EFR3B: variants seen among roughly 807,000 people sequenced by gnomAD.
The protein encoded by EFR3B is EFR3 homolog B.
A neutral mutation model predicts 104.7 loss-of-function variants in EFR3B; 64 were observed. The ratio of observed to expected loss-of-function variants is 0.61; its 90% confidence interval spans 0.50 to 0.75. The LOEUF (loss-of-function observed/expected upper bound fraction) is 0.75. EFR3B is among the 30% of genes least tolerant of loss of function. The pLI, the probability that EFR3B is intolerant of heterozygous loss-of-function variation, is 0.00. For synonymous variants in EFR3B, 385 were observed against 417.9 expected (o/e 0.92, Z 0.96); for missense variants, 750 against 1,078.5 (o/e 0.70, Z 4.27).
At chr2:25,081,380 T>C in intron 1 of EFR3B, 1 of 1,047,568 alleles carries the variant, frequency 9.5e-7, no homozygotes, top group South Asian at 1.4e-5. Flanking sequence ...TACTCATAGT[T>C]ACAGTTTATC....
At chr2:25,071,486 C>G (rs554447973) in intron 1 of EFR3B, among the ~76,000 whole-genome samples, 1 of 151,964 alleles carries the variant, frequency 6.6e-6, no homozygotes. Flanking sequence ...GTCTTGAACT[C>G]CTGACCTCGC....
At chr2:25,102,122 A>G (rs1409432406) in intron 3 of EFR3B, among the ~76,000 whole-genome samples, 2 of 152,202 alleles carry the variant, frequency 1.3e-5, no homozygotes, top group African/African-American at 4.8e-5. Context: ...GAAGACAACT[A>G]AGATAATTGG....
At chr2:25,047,882 C>T (rs1667764862) in intron 1 of EFR3B, among the ~76,000 whole-genome samples, 1 of 152,158 alleles carries the variant, frequency 6.6e-6, no homozygotes, top group South Asian at 2.1e-4. Context: ...TGATACCGTT[C>T]CTTCTATCAA....
At chr2:25,150,646 T>C (rs1670978716) in intron 20 of EFR3B, among the ~76,000 whole-genome samples, 1 of 150,562 alleles carries the variant, frequency 6.6e-6, no homozygotes, top group Non-Finnish European at 1.5e-5. Flanking sequence ...AGTCTCGCCC[T>C]GTCACCCAGG....
chr2:25,042,565 G>A lies in EFR3B; in HGVS notation c.7+246G>A, dbSNP rs565649682. 1.6e-4 allele frequency: 189 copies of A among 1,201,944 alleles called. No individual in the cohort carries two copies. Among genetic ancestry groups the A allele is most frequent in the Admixed American group, 6.2e-4 (14 of 22,680 alleles). The allele number at this position is 1,201,944 out of a possible 1,614,324, so 74.5% of individuals were successfully genotyped here. On this transcript the variant is annotated intron_variant, in intron 1 of 22. Transcript: ENST00000403714. This position sits in a 1 kb window ranked among gnomAD's most constrained non-coding sequence, Gnocchi z 5.4. Reference sequence around the variant, plus strand: ...GCCGGTGCTGGGCGGTGGTCCTTCGGGGGGCGGAGGCTCAGGGGAAAGCGG... The same window carrying A: ...GCCGGTGCTGGGCGGTGGTCCTTCGAGGGGCGGAGGCTCAGGGGAAAGCGG...
chr2:25,135,653 G>A lies in EFR3B; in HGVS notation c.1484+14G>A. ...CTCTACCATCAGGTGAACTTGGGGT[G>A]TCTCCTCCAGGCAATGCAAGATGGG... On this transcript the variant is annotated intron_variant, in intron 13 of 22. Transcript: ENST00000403714. 1 of 1,551,910 alleles carries A rather than the reference G, an allele frequency of 6.4e-7. No homozygotes were observed. Among genetic ancestry groups the A allele is most frequent in the Non-Finnish European group, 8.7e-7 (1 of 1,147,064 alleles).
At chr2:25,082,991 A>G (rs1668851775) in intron 1 of EFR3B, among the ~76,000 whole-genome samples, 1 of 152,156 alleles carries the variant, frequency 6.6e-6, no homozygotes, top group African/African-American at 2.4e-5. Flanking sequence ...GGGCAAAATG[A>G]GCCATCGAGG....
intron 1 of EFR3B, among the ~76,000 whole-genome samples, chr2:25,086,850 C>T (rs1227721613): frequency 6.6e-6 from 1 of 152,174 alleles, no homozygotes; most frequent in Admixed American, 6.5e-5. Flanking sequence ...GCCTCAGCCT[C>T]CCAAAGTGCT....
intron 12 of EFR3B, among the ~76,000 whole-genome samples, chr2:25,134,977 C>T (rs1670480176): frequency 6.6e-6 from 1 of 152,228 alleles, no homozygotes. Context: ...TATTGCCAGG[C>T]TAACAGACAT....
At position 25,114,609 on chromosome 2, in the gene EFR3B, G is replaced by A. The variant is rs1360927105; in HGVS notation, c.364-7064G>A. ...CCTAGGCAGTCCTGGGCCCCAGAGGGCAAACAGCATGCTCCAGAGATGGAG... is the reference window on the plus strand; with the variant it reads ...CCTAGGCAGTCCTGGGCCCCAGAGGACAAACAGCATGCTCCAGAGATGGAG... On this transcript the variant is annotated intron_variant, in intron 4 of 22. Coordinates refer to ENST00000403714, the MANE Select transcript of EFR3B (RefSeq NM_014971.2). The surrounding 1 kb of genome is among the most constrained non-coding windows in gnomAD (Gnocchi z 4.0). 2.0e-5 allele frequency among the ~76,000 whole-genome samples: 3 copies of A among 152,146 alleles called. No individual in the cohort carries two copies. Among genetic ancestry groups the A allele is most frequent in the Non-Finnish European group, 2.9e-5 (2 of 68,020 alleles).
intron 21 of EFR3B, 98 bp from the exon 22 acceptor site, chr2:25,153,614 C>A: frequency 8.0e-7 from 1 of 1,242,534 alleles, no homozygotes; most frequent in Non-Finnish European, 1.2e-6. Flanking sequence ...CTGTGGCTGC[C>A]CTGTACCTCC....
chr2:25,117,987 AATTTT>A (rs1266599835), intron 4 of EFR3B, among the ~76,000 whole-genome samples: 2 of 151,836 alleles, frequency 1.3e-5, no homozygotes, highest in African/African-American at 2.4e-5. Flanking sequence ...ATTTTAACTT[AATTTT>A]ATTTTGAGAC....
At chr2:25,152,657 A>C (rs928652208) in intron 21 of EFR3B, among the ~76,000 whole-genome samples, 2 of 152,172 alleles carry the variant, frequency 1.3e-5, no homozygotes, top group African/African-American at 4.8e-5. Context: ...GAGCTCAGAC[A>C]ATCTTGAAAT....
chr2:25,098,261 C>T (rs959038811), intron 3 of EFR3B, among the ~76,000 whole-genome samples: 7 of 152,146 alleles, frequency 4.6e-5, no homozygotes, highest in African/African-American at 1.2e-4. Flanking sequence ...CAGGCCACTG[C>T]TCTTGAGCGA....
At chr2:25,081,365 A>G in intron 1 of EFR3B, 1 of 971,358 alleles carries the variant, frequency 1.0e-6, no homozygotes, top group South Asian at 1.5e-5. Context: ...AGAACTTGCC[A>G]GCAGTACTCA....
At chr2:25,080,674 A>T in intron 1 of EFR3B, 1 of 700,264 alleles carries the variant, frequency 1.4e-6, no homozygotes, top group Non-Finnish European at 2.5e-6. Flanking sequence ...TTTCAGGCCA[A>T]TGTAGTTGAG....
At position 25,132,884 on chromosome 2, in the gene EFR3B, T is replaced by A; in HGVS notation, c.1148-19T>A. ...GGAGCCTGTGCCTCACTGGGCACCC[T>A]CTCCGCCACCTCCTGCAGGCTCCTT... On this transcript the variant is annotated intron_variant, in intron 10 of 22. Coordinates refer to ENST00000403714, the MANE Select transcript of EFR3B (RefSeq NM_014971.2). 1.9e-6 allele frequency: 3 copies of A among 1,548,014 alleles called. No homozygotes were observed. The highest frequency in any genetic ancestry group is 2.6e-6 in the Non-Finnish European group (3 of 1,145,398).
chr2:25,072,612 T>G (rs1215686493), intron 1 of EFR3B, among the ~76,000 whole-genome samples: 1 of 152,098 alleles, frequency 6.6e-6, no homozygotes, highest in African/African-American at 2.4e-5. Context: ...GACTTCTGCT[T>G]CTTCTCTAGA....
chr2:25,077,879 G>C, intron 1 of EFR3B, among the ~76,000 whole-genome samples: 1 of 152,120 alleles, frequency 6.6e-6, no homozygotes, highest in Middle Eastern at 3.4e-3. Flanking sequence ...GAACCTTTTT[G>C]TTTTTCTTAA....
Sources: allele counts gnomAD v4.1 joint callset (sites outside exome capture counted in the v4.1 genomes callset), GRCh38; gene constraint gnomAD v4.1.1; non-coding constraint Gnocchi (gnomAD v3.1); transcripts MANE v1.5; gene names NCBI Gene and HGNC (gene_info 2026-07-23, HGNC 2026-07-21).